The following MRPS27 variants were observed in gnomAD, a reference collection of about 807,000 sequenced individuals.
MRPS27 encodes small ribosomal subunit protein mS27.
MRPS27 carries 43 observed loss-of-function variants against 48.9 expected under a neutral mutation model. That is an observed-to-expected ratio of 0.88 (90% CI 0.69 to 1.13). The LOEUF is 1.13. Ranked by LOEUF, MRPS27 falls within the 50% of genes most tolerant of loss-of-function variation. MRPS27 has a pLI of 0.00. For missense variants in MRPS27, 467 were observed against 476.3 expected (o/e 0.98, Z 0.18); for synonymous variants, 188 against 171.9 (o/e 1.09, Z -0.73).
intron 4 of MRPS27, among the ~76,000 whole-genome samples, chr5:72,284,636 C>A (rs1362852223): frequency 3.9e-5 from 6 of 152,106 alleles, no homozygotes; most frequent in Non-Finnish European, 4.4e-5. Context: ...CTAAAAGAAA[C>A]CAATGTTACC....
chr5:72,287,583 G>A (rs967466053), intron 4 of MRPS27, among the ~76,000 whole-genome samples: 2 of 152,232 alleles, frequency 1.3e-5, no homozygotes, highest in African/African-American at 4.8e-5. Context: ...AGGCTGCAGT[G>A]AGCCAAGATC....
intron 1 of MRPS27, among the ~76,000 whole-genome samples, chr5:72,317,798 C>T (rs1017622218): frequency 1.3e-5 from 2 of 152,178 alleles, no homozygotes; most frequent in Non-Finnish European, 2.9e-5. Flanking sequence ...AGCAATTCTC[C>T]TGCCCCAGGG....
intron 4 of MRPS27, among the ~76,000 whole-genome samples, chr5:72,240,938 A>G (rs1330075789): frequency 6.6e-6 from 1 of 151,972 alleles, no homozygotes; most frequent in Non-Finnish European, 1.5e-5. Context: ...TAATAAGTCT[A>G]CTCCCTCTCC....
intron 4 of MRPS27, among the ~76,000 whole-genome samples, chr5:72,243,504 T>TA (rs1378238217): frequency 2.6e-5 from 4 of 152,318 alleles, no homozygotes; most frequent in African/African-American, 9.6e-5. Context: ...GGGCAGGGTT[T>TA]AATACAGAAA....
chr5:72,224,318 C>T (rs1420068112), intron 9 of MRPS27, among the ~76,000 whole-genome samples: 1 of 152,140 alleles, frequency 6.6e-6, no homozygotes, highest in Admixed American at 6.5e-5. Context: ...ATGATCACAT[C>T]ACTGCACTCC....
At chr5:72,301,683 G>A (rs901433139) in intron 2 of MRPS27, among the ~76,000 whole-genome samples, 4 of 152,226 alleles carry the variant, frequency 2.6e-5, no homozygotes, top group African/African-American at 9.6e-5. Flanking sequence ...GAAATTGGCT[G>A]GAGCCTCAGA....
At chr5:72,319,644 A>G (rs1339047447) in intron 1 of MRPS27, among the ~76,000 whole-genome samples, 1 of 149,460 alleles carries the variant, frequency 6.7e-6, no homozygotes, top group East Asian at 2.0e-4. Flanking sequence ...CCCGAGTTCA[A>G]GCGATTATCC....
Position 72,232,445 on chromosome 5 carries a change from T to G in MRPS27, c.589A>C (p.Ser197Arg), listed in dbSNP as rs11557155. 1,146 of 1,607,882 alleles carry G rather than the reference T, an allele frequency of 7.1e-4. 1 individual carries two copies. The highest frequency in any genetic ancestry group is 9.4e-4 in the Non-Finnish European group (1,099 of 1,175,116). Reference protein sequence around the residue: ...FHCLAKKTDFSWEEERNFGAS... With the variant: ...FHCLAKKTDFRWEEERNFGAS... ...CTGCTTTAGGGAAGATCACTTACAC[T>G]GAAGTCTGTCTTCTTTGCCAGGCAA... The change falls in exon 7 of 11, where the codon AGT becomes CGT. Residue 197 changes from serine (S) to arginine (R), a missense_variant and splice_region_variant. By Grantham distance (110) the Ser-to-Arg change is moderately radical. Transcript: ENST00000261413.
intron 2 of MRPS27, among the ~76,000 whole-genome samples, chr5:72,297,983 G>A (rs957788964): frequency 6.6e-6 from 1 of 152,026 alleles, no homozygotes; most frequent in Admixed American, 6.6e-5. Context: ...TCTGGACATC[G>A]GCCTTCAGAA....
intron 3 of MRPS27, 29 bp downstream of exon 3, chr5:72,297,603 G>T: frequency 7.0e-7 from 1 of 1,435,064 alleles, no homozygotes; most frequent in Non-Finnish European, 9.7e-7. Context: ...CCTTGTTCTT[G>T]GAAAATATAT....
At chr5:72,256,850 T>C (rs1457031794) in intron 4 of MRPS27, among the ~76,000 whole-genome samples, 1 of 152,176 alleles carries the variant, frequency 6.6e-6, no homozygotes, top group Non-Finnish European at 1.5e-5. Flanking sequence ...AGGCTCTTTA[T>C]AGCCTTATAT....
At chr5:72,300,473 T>C (rs1277226448) in intron 2 of MRPS27, among the ~76,000 whole-genome samples, 4 of 152,230 alleles carry the variant, frequency 2.6e-5, no homozygotes, top group Non-Finnish European at 5.9e-5. Context: ...TCCAATTACA[T>C]AGGTGATATT....
intron 2 of MRPS27, among the ~76,000 whole-genome samples, chr5:72,298,400 G>C (rs1323674663): frequency 6.6e-6 from 1 of 152,212 alleles, no homozygotes; most frequent in East Asian, 1.9e-4. Context: ...CAAGGCTGCA[G>C]AGATAAGGAA....
Position 72,223,854 on chromosome 5 carries a change from T to C in MRPS27, c.838-4A>G. The stretch of plus-strand genomic sequence containing the variant: ...GCACTGCACCCAGCACATCGAGCTG[T>C]GGAGCAGAAAGAGGGTCAGCAACCA... On this transcript the variant is annotated splice_polypyrimidine_tract_variant and splice_region_variant and intron_variant, in intron 9 of 10. Coordinates refer to ENST00000261413, the MANE Select transcript of MRPS27 (RefSeq NM_015084.3). 1 of 1,612,408 alleles carries C rather than the reference T, an allele frequency of 6.2e-7. No individual in the cohort carries two copies. The highest frequency in any genetic ancestry group is 8.5e-7 in the Non-Finnish European group (1 of 1,178,892).
chr5:72,318,604 G>A (rs958374536), intron 1 of MRPS27, among the ~76,000 whole-genome samples: 2 of 152,184 alleles, frequency 1.3e-5, no homozygotes, highest in African/African-American at 4.8e-5. Flanking sequence ...AGACCAGCCT[G>A]ACCAACATGG....
At chr5:72,243,722 C>T (rs940814226) in intron 4 of MRPS27, among the ~76,000 whole-genome samples, 2 of 152,168 alleles carry the variant, frequency 1.3e-5, no homozygotes, top group South Asian at 2.1e-4. Flanking sequence ...ATATTTCCAA[C>T]GAATTCACTA....
chr5:72,270,983 C>G (rs1304358160), intron 4 of MRPS27, among the ~76,000 whole-genome samples: 1 of 152,198 alleles, frequency 6.6e-6, no homozygotes, highest in Non-Finnish European at 1.5e-5. Flanking sequence ...TGAAAGGGAA[C>G]TTCCTCAACC....
chr5:72,235,079 A>C (rs1748165625), intron 5 of MRPS27, among the ~76,000 whole-genome samples: 1 of 152,054 alleles, frequency 6.6e-6, no homozygotes, highest in Non-Finnish European at 1.5e-5. Flanking sequence ...ATCACCACTG[A>C]GCTGACTCAC....
intron 4 of MRPS27, among the ~76,000 whole-genome samples, chr5:72,242,428 GAAA>G (rs750987632): frequency 2.5e-5 from 3 of 120,772 alleles, no homozygotes; most frequent in Non-Finnish European, 1.7e-5. Context: ...GATCAAGAGT[GAAA>G]AAAAAAAAAA....
Sources: gnomAD v4.1 joint callset for allele counts (sites outside exome capture counted in the v4.1 genomes callset) on GRCh38, gnomAD v4.1.1 for gene constraint, MANE v1.5 for transcripts, NCBI Gene and HGNC (gene_info 2026-07-23, HGNC 2026-07-21) for gene names.